PDE6A: variants seen among roughly 807,000 people sequenced by gnomAD.
The protein encoded by PDE6A is rod cGMP-specific 3',5'-cyclic phosphodiesterase subunit alpha.
In PDE6A, 84 loss-of-function variants were observed where a neutral mutation model predicts 106.3. The observed-to-expected ratio is 0.79, with a 90% CI of 0.66 to 0.95. PDE6A has a LOEUF of 0.95. Among genes scored for constraint, PDE6A ranks in the 40% least tolerant of loss-of-function variants. PDE6A has a pLI of 0.00. For synonymous variants in PDE6A, 394 were observed against 386.6 expected, an observed-to-expected ratio of 1.02 and a Z score of -0.23; for missense variants, 1,052 against 1,084.9, an observed-to-expected ratio of 0.97 and a Z score of 0.43.
chr5:149,887,062 G>T (rs1275750076), intron 13 of PDE6A, among the ~76,000 whole-genome samples: 1 of 152,200 alleles, frequency 6.6e-6, no homozygotes, highest in African/African-American at 2.4e-5. Flanking sequence ...GCAGGGATTT[G>T]CATCATGATC....
chr5:149,928,757 A>T (rs1237603202), intron 4 of PDE6A, among the ~76,000 whole-genome samples: 1 of 152,208 alleles, frequency 6.6e-6, no homozygotes, highest in African/African-American at 2.4e-5. Context: ...TTGAAAGTGG[A>T]CTTGTGCCCA....
In PDE6A at chr5:149,934,557, C is replaced by A. The variant is rs1561786105; in HGVS notation, c.627+9G>T. ...GCATGGCTATCCTTAGTCTCTAAAGCATTCTTACCTCTTCATCTCTCTTGG... is the reference window on the plus strand; with the variant it reads ...GCATGGCTATCCTTAGTCTCTAAAGAATTCTTACCTCTTCATCTCTCTTGG... On this transcript the variant is annotated intron_variant, in intron 2 of 21. Transcript: ENST00000255266. 1.2e-6 allele frequency: 2 copies of A among 1,613,990 alleles called. No homozygotes were observed. The highest frequency in any genetic ancestry group is 1.7e-6 in the Non-Finnish European group (2 of 1,179,814).
At chr5:149,877,273 A>G (rs1420314129) in intron 17 of PDE6A, among the ~76,000 whole-genome samples, 1 of 152,114 alleles carries the variant, frequency 6.6e-6, no homozygotes, top group African/African-American at 2.4e-5. Flanking sequence ...AAAACTCTTG[A>G]ACAAATAGTC....
intron 17 of PDE6A, among the ~76,000 whole-genome samples, chr5:149,874,006 TAAAA>T (rs796307210): frequency 1.6e-5 from 2 of 127,954 alleles, no homozygotes; most frequent in African/African-American, 2.9e-5. Flanking sequence ...ACCCTGTCTC[TAAAA>T]AAAAAAAAAA....
intron 20 of PDE6A, among the ~76,000 whole-genome samples, chr5:149,864,055 C>T (rs553821116): frequency 1.0e-3 from 152 of 152,274 alleles, no homozygotes; most frequent in African/African-American, 3.5e-3. Flanking sequence ...TCCCAAAGCC[C>T]TCTCTTACCA....
chr5:149,895,199 A>ACGT lies in PDE6A; in HGVS notation c.1711_1712insACG (p.Met571delinsAsnVal), dbSNP rs752061716. On this transcript the variant is annotated protein_altering_variant, in exon 13 of 22. Coordinates refer to ENST00000255266, the MANE Select transcript of PDE6A (RefSeq NM_000440.3). ...CCGCCATACCACCAGCAGGGAGAAC[A>ACGT]TGGTCTGCCCCACGTTGAAGCCGTG... 3 of 1,613,164 alleles carry ACGT rather than the reference A, an allele frequency of 1.9e-6. No homozygotes were observed. Among genetic ancestry groups the ACGT allele is most frequent in the Admixed American group, 3.3e-5 (2 of 60,024 alleles).
At chr5:149,933,279 ATTTATTTTAAAAAT>A (rs909567460) in intron 3 of PDE6A, among the ~76,000 whole-genome samples, 1 of 152,144 alleles carries the variant, frequency 6.6e-6, no homozygotes, top group African/African-American at 2.4e-5. Flanking sequence ...ATTATCATCC[ATTTATTTTAAAAAT>A]TTTATTTTAA....
rs1760328204 is a variant in PDE6A, at chr5:149,866,252, G to A, written c.2276C>T (p.Pro759Leu). 1 of 1,611,826 alleles carries A rather than the reference G, an allele frequency of 6.2e-7. No homozygotes were observed. Among genetic ancestry groups the A allele is most frequent in the Non-Finnish European group, 8.5e-7 (1 of 1,177,908 alleles). The change falls in exon 20 of 22, where the codon CCC becomes CTC. Residue 759 changes from proline to leucine, a missense_variant and splice_region_variant. Pro to Leu is a moderately conservative substitution (Grantham distance 98). Transcript: ENST00000255266. ...ATCTGCTTTGTTTCTGTCCATCATG[G>A]GCTGTCATGGGGGAGAAAGAGTTAA... ...ERTVLQQNPI[P>L]MMDRNKADEL...
At chr5:149,912,997 A>G (rs150538776) in intron 6 of PDE6A, among the ~76,000 whole-genome samples, 2,815 of 152,276 alleles carry the variant, frequency 0.018, 37 homozygotes, top group East Asian at 0.033. Context: ...TTGTGGCTCT[A>G]GAAGCTAGAA....
rs905301023 is a variant in PDE6A at position 149,910,974 on chromosome 5, G to A, written c.999-3596C>T. On this transcript the variant is annotated intron_variant, in intron 6 of 21. Coordinates refer to ENST00000255266, the MANE Select transcript of PDE6A (RefSeq NM_000440.3). Reference sequence around the variant, plus strand: ...GGCTCACTGTAGCCTCCACCTCCCCGGCTCAAGTGATCCTCCTGCCTCAGC... The same window carrying A: ...GGCTCACTGTAGCCTCCACCTCCCCAGCTCAAGTGATCCTCCTGCCTCAGC... 6.3e-5 allele frequency among the ~76,000 whole-genome samples: 8 copies of A among 127,818 alleles called. No individual in the cohort carries two copies. The South Asian group carries it at 8.0e-4, about 13-fold the overall frequency. 83.9% of individuals were successfully genotyped at this position (127,818 alleles called of 152,430 possible).
intron 1 of PDE6A, among the ~76,000 whole-genome samples, chr5:149,938,079 T>C (rs1278973860): frequency 6.6e-6 from 1 of 152,116 alleles, no homozygotes; most frequent in Non-Finnish European, 1.5e-5. Context: ...CATGGTATAG[T>C]GGAATGTCAT....
chr5:149,898,530 T>A, intron 9 of PDE6A, 24 bp from the exon 10 acceptor site: 2 of 1,609,458 alleles, frequency 1.2e-6, no homozygotes, highest in South Asian at 2.2e-5. Flanking sequence ...AAAGGAGGAA[T>A]CAGAGACAGA....
rs1213797121 is a variant in PDE6A, at chr5:149,858,188, A to G, written c.*2707T>C. On this transcript the variant is annotated 3_prime_UTR_variant, in exon 22 of 22. Coordinates refer to ENST00000255266, the MANE Select transcript of PDE6A (RefSeq NM_000440.3). ...GCTTAATTATGGTAACCATTTCACA[A>G]TGTATATCAAAACATCACAGTGTAT... 6.6e-6 allele frequency: 1 copy of G among 152,240 alleles called. No homozygotes were observed. The highest frequency in any genetic ancestry group is 1.5e-5 in the Non-Finnish European group (1 of 68,048). The allele number at this position is 152,240 out of a possible 1,614,324, so 9.4% of individuals were successfully genotyped here.
At chr5:149,888,150 A>C (rs188657848) in intron 13 of PDE6A, among the ~76,000 whole-genome samples, 47 of 152,276 alleles carry the variant, frequency 3.1e-4, no homozygotes, top group African/African-American at 1.0e-3. Flanking sequence ...AAAGTAAAAA[A>C]AGATCTAAGA....
intron 17 of PDE6A, among the ~76,000 whole-genome samples, chr5:149,881,135 A>G (rs1004719861): frequency 1.1e-4 from 17 of 152,184 alleles, no homozygotes; most frequent in African/African-American, 4.1e-4. Context: ...AGGAATCCTT[A>G]TGCACTGCTG....
chr5:149,891,331 G>T (rs1703184332), intron 13 of PDE6A, among the ~76,000 whole-genome samples: 1 of 152,150 alleles, frequency 6.6e-6, no homozygotes, highest in Admixed American at 6.5e-5. Context: ...TTAGCCAGGG[G>T]TGGTGACGCG....
At chr5:149,865,911 C>T (rs1760314215) in intron 20 of PDE6A, among the ~76,000 whole-genome samples, 1 of 152,226 alleles carries the variant, frequency 6.6e-6, no homozygotes, top group Admixed American at 6.5e-5. Context: ...GTTTCCCCTT[C>T]CTCTGTGAAT....
chr5:149,860,980 A>G lies in PDE6A; in HGVS notation c.2507-9T>C. The G allele has an allele frequency of 6.2e-7, 1 of 1,613,470 alleles. No homozygotes were observed. The highest frequency in any genetic ancestry group is 8.5e-7 in the Non-Finnish European group (1 of 1,179,652). On this transcript the variant is annotated splice_polypyrimidine_tract_variant and intron_variant, in intron 21 of 21. Coordinates refer to ENST00000255266, the MANE Select transcript of PDE6A (RefSeq NM_000440.3). ...CTGATTTCCTGCGGCTGCTGCAATG[A>G]AACAGGAAAAAGAACACACCAGGTG...
intron 11 of PDE6A, 35 bp downstream of exon 11, chr5:149,896,676 T>C (rs747086708): frequency 8.7e-6 from 14 of 1,614,090 alleles, no homozygotes; most frequent in Non-Finnish European, 1.1e-5. Flanking sequence ...GCACTTGTTA[T>C]ACATCGGGGC....
Sources: allele counts gnomAD v4.1 joint callset (sites outside exome capture counted in the v4.1 genomes callset), GRCh38; gene constraint gnomAD v4.1.1; transcripts MANE v1.5; gene names NCBI Gene and HGNC (gene_info 2026-07-23, HGNC 2026-07-21).